PCDHA7: variants seen among roughly 807,000 people sequenced by gnomAD.
PCDHA7 encodes protocadherin alpha 7.
Under a neutral mutation model 57.2 loss-of-function variants are expected in PCDHA7, and 37 were observed. The ratio of observed to expected loss-of-function variants is 0.65; its 90% CI spans 0.50 to 0.85. PCDHA7 has a LOEUF of 0.85. Among genes scored for constraint, PCDHA7 ranks in the 40% least tolerant of loss-of-function variants. PCDHA7 has a pLI of 0.00. For missense variants in PCDHA7, 1,188 were observed against 1,241.8 expected (o/e 0.96, Z 0.65); for synonymous variants, 553 against 558.8 (o/e 0.99, Z 0.15).
At chr5:140,842,623 G>T in intron 1 of PCDHA7, 2 of 1,579,148 alleles carry the variant, frequency 1.3e-6, no homozygotes, top group Non-Finnish European at 1.7e-6. Context: ...GCTCGCCTTC[G>T]CTGTGGGCCA....
chr5:140,843,622 G>T, intron 1 of PCDHA7: 2 of 1,596,026 alleles, frequency 1.3e-6, no homozygotes, highest in Non-Finnish European at 1.7e-6. Flanking sequence ...CACCGAAGAC[G>T]GACCTCATGG....
At position 140,834,945 on chromosome 5, in the gene PCDHA7, C is replaced by T. The variant is rs2150229215; in HGVS notation, c.562C>T (p.Gln188Ter). 6.4e-7 allele frequency: 1 copy of T among 1,552,558 alleles called. No homozygotes were observed. Among genetic ancestry groups the T allele is most frequent in the East Asian group, 2.3e-5 (1 of 43,206 alleles). ...CCTGGACGTGCCAACCAGCAACCAG[C>T]AGGTAAAACCTCTTGGACTTGTATT... ...FFLDVPTSNQ[Q>*]VKPLGLVLRK... Residue 188 changes from glutamine to a stop codon, truncating the protein, a stop_gained, in exon 1 of 4, where the codon CAG becomes TAG. Coordinates refer to ENST00000525929, the MANE Select transcript of PCDHA7 (RefSeq NM_018910.3). LOFTEE classifies it high-confidence loss of function.
intron 1 of PCDHA7, among the ~76,000 whole-genome samples, chr5:140,894,352 G>A (rs2064438357): frequency 6.6e-6 from 1 of 151,796 alleles, no homozygotes; most frequent in Admixed American, 6.6e-5. Context: ...TATTACTTCA[G>A]ATTTCTTCTT....
chr5:140,969,371 T>C (rs2096324872), intron 1 of PCDHA7: 1 of 1,607,688 alleles, frequency 6.2e-7, no homozygotes, highest in Non-Finnish European at 8.5e-7. Context: ...AACTCATGCA[T>C]TTGTTACACA....
At chr5:140,881,798 A>G (rs2153381417) in intron 1 of PCDHA7, among the ~76,000 whole-genome samples, 1 of 152,372 alleles carries the variant, frequency 6.6e-6, no homozygotes, top group South Asian at 2.1e-4. Context: ...TTGTCCCAAA[A>G]CGAGTGTCGA....
At chr5:140,931,260 T>C (rs576177407) in intron 1 of PCDHA7, among the ~76,000 whole-genome samples, 104 of 152,274 alleles carry the variant, frequency 6.8e-4, no homozygotes, top group East Asian at 3.1e-3. Flanking sequence ...GAAATTTCAC[T>C]ATTTATTTCT....
chr5:140,905,957 G>A (rs993962295), intron 1 of PCDHA7, among the ~76,000 whole-genome samples: 1 of 152,200 alleles, frequency 6.6e-6, no homozygotes, highest in South Asian at 2.1e-4. Context: ...CGATGTTCAA[G>A]GGGAGGAAGA....
intron 1 of PCDHA7, chr5:140,870,816 C>A: frequency 4.3e-6 from 7 of 1,613,668 alleles, no homozygotes; most frequent in Admixed American, 1.7e-5. Flanking sequence ...AGGCTGGCAG[C>A]GCGGGAGGCG....
chr5:140,857,458 C>A (rs782648266), intron 1 of PCDHA7: 1 of 1,598,670 alleles, frequency 6.3e-7, no homozygotes, highest in South Asian at 1.1e-5. Flanking sequence ...ACCCGCCAGG[C>A]TGCCACATCT....
At chr5:140,966,860 TTGC>T (rs148181752) in intron 1 of PCDHA7, 30 of 1,577,282 alleles carry the variant, frequency 1.9e-5, no homozygotes, top group Middle Eastern at 1.7e-4. Context: ...CCTGCTGCTG[TTGC>T]TGCTGCTGCT....
At position 140,848,698 on chromosome 5, in the gene PCDHA7, C is replaced by T. The variant is rs17844321; in HGVS notation, c.2355+11960C>T. On this transcript the variant is annotated intron_variant, in intron 1 of 3. Coordinates refer to ENST00000525929, the MANE Select transcript of PCDHA7 (RefSeq NM_018910.3). The stretch of plus-strand genomic sequence containing the variant: ...GTGCCGCGCCTGTTCCAGTTGGATT[C>T]CAAAGGCCGCGGGGACCTTCTGGAG... 1,049 of 1,592,348 alleles carry T rather than the reference C, an allele frequency of 6.6e-4. 38 individuals are homozygous for T. The East Asian group carries it at 0.022, about 33-fold the overall frequency.
chr5:140,835,527 A>T lies in PCDHA7; in HGVS notation c.1144A>T (p.Asn382Tyr). 6.2e-7 allele frequency: 1 copy of T among 1,613,968 alleles called. No homozygotes were observed. Among genetic ancestry groups the T allele is most frequent in the Non-Finnish European group, 8.5e-7 (1 of 1,179,882 alleles). Residue 382 changes from asparagine (N) to tyrosine (Y), a missense_variant, in exon 1 of 4, where the codon AAC becomes TAC. By Grantham distance (143) the Asn-to-Tyr change is moderately radical. Coordinates refer to ENST00000525929, the MANE Select transcript of PCDHA7 (RefSeq NM_018910.3). ...CGTGTTTGACCGAGATTTTGGAGTC[A>T]ACGGACAGGTTACCTGCTCCCTGAC... ...ISVFDRDFGVNGQVTCSLTPR... is the reference protein window; with the variant it reads ...ISVFDRDFGVYGQVTCSLTPR...
At chr5:140,921,202 C>T (rs528515993) in intron 1 of PCDHA7, among the ~76,000 whole-genome samples, 20 of 151,968 alleles carry the variant, frequency 1.3e-4, no homozygotes, top group African/African-American at 3.6e-4. Context: ...AGATTGACAA[C>T]GATAATTCAC....
At chr5:140,902,504 C>G (rs2069506794) in intron 1 of PCDHA7, among the ~76,000 whole-genome samples, 1 of 151,984 alleles carries the variant, frequency 6.6e-6, no homozygotes, top group African/African-American at 2.4e-5. Context: ...AGCTGTGAGT[C>G]TGTCATATAT....
intron 1 of PCDHA7, chr5:140,966,881 C>A: frequency 6.3e-7 from 1 of 1,589,072 alleles, no homozygotes. Context: ...GCTACCTGGC[C>A]CTGCGGCCTC....
intron 3 of PCDHA7, 100 bp from the exon 4 acceptor site, chr5:141,009,527 G>A: frequency 6.6e-7 from 1 of 1,507,930 alleles, no homozygotes; most frequent in South Asian, 1.4e-5. Context: ...TTTCTGGGGA[G>A]GTTCAGCCTG....
rs782096178 is a variant in PCDHA7 at position 140,876,689 on chromosome 5, CGTT to C, written c.2355+39953_2355+39955del. The C allele has an allele frequency of 6.2e-6, 10 of 1,614,110 alleles. No homozygotes were observed. The East Asian group carries it at 1.6e-4, about 25-fold the overall frequency. On this transcript the variant is annotated intron_variant, in intron 1 of 3. Coordinates refer to ENST00000525929, the MANE Select transcript of PCDHA7 (RefSeq NM_018910.3). ...GTGTCCACCTACAAGAATTACTACT[CGTT>C]GGTGCTGGACAGCGCCCTGGACCGC...
chr5:140,857,402 C>T (rs2044569708), intron 1 of PCDHA7: 3 of 1,598,498 alleles, frequency 1.9e-6, no homozygotes, highest in Non-Finnish European at 2.6e-6. Flanking sequence ...CGACAACGCG[C>T]CTGCGTTCGC....
intron 1 of PCDHA7, among the ~76,000 whole-genome samples, chr5:140,846,739 C>A (rs1314749505): frequency 8.0e-5 from 12 of 149,210 alleles, no homozygotes; most frequent in Non-Finnish European, 6.0e-5. Context: ...TTAAATAGGA[C>A]CCTTACAGAT....
Sources: gnomAD v4.1 joint callset for allele counts (sites outside exome capture counted in the v4.1 genomes callset) on GRCh38, gnomAD v4.1.1 for gene constraint, MANE v1.5 for transcripts, NCBI Gene and HGNC (gene_info 2026-07-23, HGNC 2026-07-21) for gene names.